The following ARHGEF6 variants were observed in gnomAD, a reference collection of about 807,000 sequenced individuals.
ARHGEF6 encodes the protein rho guanine nucleotide exchange factor 6.
A neutral mutation model predicts 70.3 loss-of-function variants in ARHGEF6; 9 were observed. That is an observed-to-expected ratio of 0.13 (90% confidence interval 0.08 to 0.22). The LOEUF is 0.22. Ranked by LOEUF, ARHGEF6 falls within the 10% of genes least tolerant of loss-of-function variation. ARHGEF6 has a pLI of 1.00. For missense variants in ARHGEF6, 470 were observed against 563.0 expected, an observed-to-expected ratio of 0.83 and a Z score of 1.67; for synonymous variants, 201 against 207.8, an observed-to-expected ratio of 0.97 and a Z score of 0.28.
At chrX:136,686,635 TATATATACACAC>T (rs1484903037) in intron 11 of ARHGEF6, among the ~76,000 whole-genome samples, 2 of 77,101 alleles carry the variant, frequency 2.6e-5, no homozygotes, top group African/African-American at 1.4e-4. Context: ...CATATATATA[TATATATACACAC>T]ATATATATAT....
chrX:136,722,450 T>C (rs962696786), intron 6 of ARHGEF6, among the ~76,000 whole-genome samples: 9 of 112,022 alleles, frequency 8.0e-5, no homozygotes, highest in Non-Finnish European at 1.5e-4. Context: ...CCACAATATA[T>C]ATAGAACTAT....
intron 2 of ARHGEF6, among the ~76,000 whole-genome samples, chrX:136,753,721 A>T: frequency 8.9e-6 from 1 of 112,461 alleles, no homozygotes. Context: ...GCTAAATTAT[A>T]ATGAGAAATG....
chrX:136,690,052 CATG>C (rs2076443105), intron 10 of ARHGEF6, among the ~76,000 whole-genome samples: 1 of 112,054 alleles, frequency 8.9e-6, no homozygotes, highest in South Asian at 3.7e-4. Context: ...GATGTACATG[CATG>C]ATGTGTAGAG....
chrX:136,675,860 T>G (rs1327678524), intron 18 of ARHGEF6, among the ~76,000 whole-genome samples: 3 of 109,378 alleles, frequency 2.7e-5, no homozygotes, highest in African/African-American at 1.0e-4. Flanking sequence ...TAGTCACTCA[T>G]TTTCCCTTCT....
At chrX:136,710,044 G>A (rs190255594) in intron 7 of ARHGEF6, among the ~76,000 whole-genome samples, 20 of 110,284 alleles carry the variant, frequency 1.8e-4, no homozygotes, top group Non-Finnish European at 3.6e-4. Flanking sequence ...GGTGGCTCAC[G>A]CCTGAAATCC....
intron 2 of ARHGEF6, among the ~76,000 whole-genome samples, chrX:136,774,503 T>C (rs2077387235): frequency 9.2e-6 from 1 of 108,428 alleles, no homozygotes. Context: ...ATACAAAAAT[T>C]AGCCGGGCGT....
rs1018019131 is a variant in ARHGEF6, at chrX:136,750,844, C to A, written c.250-3252G>T. Among the ~76,000 whole-genome samples the A allele has an allele frequency of 3.1e-4, 34 of 108,221 alleles. No individual in the cohort carries two copies. The Admixed American group carries it at 3.1e-3, about 10-fold the overall frequency. 94.0% of individuals were successfully genotyped at this position (108,221 alleles called of 115,157 possible). A position where few individuals can be genotyped will look rare whatever the true frequency, so the allele number is the denominator to read the frequency against. On this transcript the variant is annotated intron_variant, in intron 2 of 21. Coordinates refer to ENST00000250617, the MANE Select transcript of ARHGEF6 (RefSeq NM_004840.3). ...TTGAGGCAGAGTCTCACTGTATCCC[C>A]CAGGCTGGAGTGCAGTGGCATGATC...
chrX:136,720,639 A>G (rs1266953015), intron 6 of ARHGEF6, among the ~76,000 whole-genome samples: 4 of 111,877 alleles, frequency 3.6e-5, no homozygotes, highest in African/African-American at 1.3e-4. Context: ...CCTTTTCAAC[A>G]TCATATTGAA....
intron 2 of ARHGEF6, chrX:136,767,811 G>A (rs919711981): frequency 3.5e-5 from 26 of 750,537 alleles, no homozygotes; most frequent in Non-Finnish European, 4.1e-5. Context: ...GCAGAAGTAG[G>A]AACTGGAAGT....
chrX:136,745,406 G>T, intron 3 of ARHGEF6, 59 bp from the exon 4 acceptor site: 2 of 1,169,651 alleles, frequency 1.7e-6, no homozygotes, highest in South Asian at 1.8e-5. Context: ...AACATCTACC[G>T]CATAACATTA....
At chrX:136,767,196 G>T in intron 2 of ARHGEF6, 1 of 755,217 alleles carries the variant, frequency 1.3e-6, no homozygotes, top group Non-Finnish European at 1.6e-6. Context: ...CTCCAGCCGC[G>T]CCGCCGCCGC....
Position 136,769,437 on chromosome X carries a change from A to G in ARHGEF6, c.249+9977T>C, listed in dbSNP as rs773144648. Among the ~76,000 whole-genome samples the G allele has an allele frequency of 1.1e-4, 12 of 111,394 alleles. 1 individual carries two copies. The highest frequency in any genetic ancestry group is 2.3e-4 in the Non-Finnish European group (12 of 53,072). On this transcript the variant is annotated intron_variant, in intron 2 of 21. Coordinates refer to ENST00000250617, the MANE Select transcript of ARHGEF6 (RefSeq NM_004840.3). ...AAAATAAATAAAAATAAATAAATAAATAATAAACTTGGCTCAGGAGCAGAA... is the reference window on the plus strand; with the variant it reads ...AAAATAAATAAAAATAAATAAATAAGTAATAAACTTGGCTCAGGAGCAGAA...
In ARHGEF6 at chrX:136,668,145, G is replaced by T. The variant is rs140378313; in HGVS notation, c.2215C>A (p.Leu739Met). ...CTTCTTGATTTCAGTTCTTCTTCCAGGCATTGCTTCATTCTTTTATTTTCC... is the reference window on the plus strand; with the variant it reads ...CTTCTTGATTTCAGTTCTTCTTCCATGCATTGCTTCATTCTTTTATTTTCC... The part of the protein sequence containing the change: ...KQENKRMKQC[L>M]EEELKSRRDL... Residue 739 changes from leucine (L) to methionine (M), a missense_variant, in exon 22 of 22, where the codon CTG becomes ATG. Transcript: ENST00000250617. 2.0e-4 allele frequency: 245 copies of T among 1,209,565 alleles called. No individual in the cohort carries two copies. In the African/African-American group the frequency reaches 3.9e-3, roughly 19 times the overall value.
chrX:136,727,395 TTCTC>T (rs1188095168), intron 6 of ARHGEF6, among the ~76,000 whole-genome samples: 27 of 53,614 alleles, frequency 5.0e-4, no homozygotes, highest in Non-Finnish European at 6.6e-4. Context: ...CTTTCTTTCT[TTCTC>T]TCTCTCTCTC....
chrX:136,690,479 C>T, intron 10 of ARHGEF6, 131 bp downstream of exon 10: 1 of 711,902 alleles, frequency 1.4e-6, no homozygotes, highest in East Asian at 3.4e-5. Flanking sequence ...GAGGGAAGAA[C>T]AGATAAAGTA....
At chrX:136,762,531 G>A (rs185690143) in intron 2 of ARHGEF6, among the ~76,000 whole-genome samples, 47 of 110,760 alleles carry the variant, frequency 4.2e-4, no homozygotes, top group South Asian at 3.8e-4. Context: ...TCTCTCTGTC[G>A]TCCAGGCTCC....
chrX:136,708,911 G>T (rs2076655694), intron 7 of ARHGEF6, 141 bp from the exon 8 acceptor site: 1 of 405,407 alleles, frequency 2.5e-6, no homozygotes, highest in East Asian at 4.9e-5. Context: ...ATTGTCTTAG[G>T]CAGCTTCTTA....
chrX:136,687,942 T>C lies in ARHGEF6; in HGVS notation c.1235A>G (p.Lys412Arg), dbSNP rs1434827275. 1 of 1,206,774 alleles carries C rather than the reference T, an allele frequency of 8.3e-7. No individual in the cohort carries two copies. Among genetic ancestry groups the C allele is most frequent in the Admixed American group, 2.2e-5 (1 of 46,082 alleles). The change falls in exon 11 of 22, where the codon AAA becomes AGA. Residue 412 changes from lysine to arginine, a missense_variant. Around this residue, in one of 3 missense-constraint regions of ARHGEF6, gnomAD observed 379 missense variants for 449.3 expected, o/e 0.84. Transcript: ENST00000250617. ...QDILKAIVAF[K>R]TLMGQCQDLR... Reference sequence around the variant, plus strand: ...TAAAGCATCACCTACCATGAGAGTTTTGAATGCTACGATTGCTTTCAGAAT... The same window carrying C: ...TAAAGCATCACCTACCATGAGAGTTCTGAATGCTACGATTGCTTTCAGAAT...
At chrX:136,721,969 T>C (rs920179668) in intron 6 of ARHGEF6, among the ~76,000 whole-genome samples, 1 of 111,663 alleles carries the variant, frequency 9.0e-6, no homozygotes, top group Non-Finnish European at 1.9e-5. Flanking sequence ...TGAGGTAATA[T>C]GTGTGTTAAT....
Sources: gnomAD v4.1 joint callset for allele counts (sites outside exome capture counted in the v4.1 genomes callset) on GRCh38, gnomAD v4.1.1 for gene constraint, gnomAD v4.1.1 regional missense constraint, MANE v1.5 for transcripts, NCBI Gene and HGNC (gene_info 2026-07-23, HGNC 2026-07-21) for gene names.